The following ABHD2 variants were observed in gnomAD, a reference collection of about 807,000 sequenced individuals.
The protein encoded by ABHD2 is monoacylglycerol lipase ABHD2.
A neutral mutation model predicts 48.1 loss-of-function variants in ABHD2; 20 were observed. The observed-to-expected ratio is 0.42, with a 90% CI of 0.29 to 0.60. The LOEUF is 0.60. Ranked by LOEUF, ABHD2 falls within the 20% of genes least tolerant of loss-of-function variation. The pLI is 0.24. For missense variants in ABHD2, 405 were observed against 550.9 expected, an observed-to-expected ratio of 0.74 and a Z score of 2.65; for synonymous variants, 209 against 214.2, an observed-to-expected ratio of 0.98 and a Z score of 0.21.
At chr15:89,052,096 G>A in the ABHD2 span, among the ~76,000 whole-genome samples, 4 of 152,210 alleles carry the variant, frequency 2.6e-5, no homozygotes, top group South Asian at 8.3e-4. Flanking sequence ...TCTTAGGCCA[G>A]AGGATGGAAA....
chr15:89,144,568 C>T (rs898496348), intron 3 of ABHD2, among the ~76,000 whole-genome samples: 6 of 152,116 alleles, frequency 3.9e-5, no homozygotes, highest in Non-Finnish European at 4.4e-5. Flanking sequence ...AAACATTATG[C>T]TAAGTGAAAA....
chr15:89,120,333 GA>G lies in ABHD2; in HGVS notation c.194+3815del, dbSNP rs2050029350. Reference sequence around the variant, plus strand: ...TTCTCATGAAGTGTTTACTTTTAGTGAAACAAGCAGACGCCCAGTTCGGAAT... The same window carrying G: ...TTCTCATGAAGTGTTTACTTTTAGTGAACAAGCAGACGCCCAGTTCGGAAT... On this transcript the variant is annotated intron_variant, in intron 3 of 10. Coordinates refer to ENST00000352732, the MANE Select transcript of ABHD2 (RefSeq NM_152924.5). This position sits in a 1 kb window ranked among gnomAD's most constrained non-coding sequence, Gnocchi z 4.2. Among the ~76,000 whole-genome samples the G allele has an allele frequency of 6.6e-6, 1 of 152,058 alleles. No homozygotes were observed. The highest frequency in any genetic ancestry group is 2.1e-4 in the South Asian group (1 of 4,824).
chr15:89,052,607 T>G, the ABHD2 span, among the ~76,000 whole-genome samples: 2 of 151,156 alleles, frequency 1.3e-5, no homozygotes, highest in Non-Finnish European at 2.9e-5. Flanking sequence ...GAAAGCCATG[T>G]GAAGATGAGG....
At chr15:89,144,178 G>C (rs567404557) in intron 3 of ABHD2, among the ~76,000 whole-genome samples, 1 of 152,152 alleles carries the variant, frequency 6.6e-6, no homozygotes, top group Admixed American at 6.5e-5. Flanking sequence ...CTGTCGCCCA[G>C]GCTTTAGTGT....
chr15:89,161,861 A>G (rs2050767202), intron 5 of ABHD2, among the ~76,000 whole-genome samples: 1 of 152,212 alleles, frequency 6.6e-6, no homozygotes, highest in Admixed American at 6.5e-5. Context: ...ATACAAGAGC[A>G]ATTTATTTTC....
rs57813229 is a variant in ABHD2 at position 89,100,284 on chromosome 15, A to ATTT, written c.-107+11736_-107+11738dup. Among the ~76,000 whole-genome samples, 5,012 of 141,190 alleles carry ATTT rather than the reference A, an allele frequency of 0.035. 289 individuals carry two copies. The highest frequency in any genetic ancestry group is 0.12 in the African/African-American group (4,772 of 38,338). 92.6% of individuals were successfully genotyped at this position (141,190 alleles called of 152,430 possible). ...CTCCCAAGTTCACATTGTGTTGTTA[A>ATTT]TTTTTTTTTTTTTTTTTAAGAGACA... On this transcript the variant is annotated intron_variant, in intron 1 of 10. Coordinates refer to ENST00000352732, the MANE Select transcript of ABHD2 (RefSeq NM_152924.5). The surrounding 1 kb of genome is among the most constrained non-coding windows in gnomAD (Gnocchi z 4.4).
At chr15:89,171,451 T>C (rs1269464248) in intron 5 of ABHD2, among the ~76,000 whole-genome samples, 1 of 152,194 alleles carries the variant, frequency 6.6e-6, no homozygotes, top group Non-Finnish European at 1.5e-5. Flanking sequence ...ATAACCTCCG[T>C]GCAGCTTTTC....
intron 1 of ABHD2, among the ~76,000 whole-genome samples, chr15:89,103,168 G>A (rs1416662042): frequency 6.6e-6 from 1 of 152,172 alleles, no homozygotes; most frequent in African/African-American, 2.4e-5. Flanking sequence ...GTCAAGCTCA[G>A]GACTACTTGG....
At chr15:89,049,895 C>A in the ABHD2 span, among the ~76,000 whole-genome samples, 1 of 152,180 alleles carries the variant, frequency 6.6e-6, no homozygotes. Context: ...TGTTCCTATT[C>A]GGCCATCTTG....
upstream of ABHD2, among the ~76,000 whole-genome samples, chr15:89,083,201 AC>A (rs1901308498): frequency 6.6e-6 from 1 of 152,020 alleles, no homozygotes; most frequent in African/African-American, 2.4e-5. This position sits in a 1 kb window ranked among gnomAD's most constrained non-coding sequence, Gnocchi z 5.1. Context: ...TTATTTTTTT[AC>A]ACTGCATCTC....
chr15:89,201,311 G>T lies in ABHD2; in HGVS notation c.*5888G>T. On this transcript the variant is annotated 3_prime_UTR_variant, in exon 11 of 11. Coordinates refer to ENST00000352732, the MANE Select transcript of ABHD2 (RefSeq NM_152924.5). ...CTCTTCTGTTAGTTTCCTTGTTTCAGTATCATGAAGTGAAGCACTGTGTGG... is the reference window on the plus strand; with the variant it reads ...CTCTTCTGTTAGTTTCCTTGTTTCATTATCATGAAGTGAAGCACTGTGTGG... 9.2e-7 allele frequency: 1 copy of T among 1,081,502 alleles called. No homozygotes were observed. The allele number at this position is 1,081,502 out of a possible 1,614,324, so 67.0% of individuals were successfully genotyped here. A position where few individuals can be genotyped will look rare whatever the true frequency, so the allele number is the denominator to read the frequency against.
upstream of ABHD2, chr15:89,087,134 G>C (rs1348548161): frequency 6.6e-6 from 1 of 152,214 alleles, no homozygotes; most frequent in African/African-American, 2.4e-5. This position sits in a 1 kb window ranked among gnomAD's most constrained non-coding sequence, Gnocchi z 5.5. Context: ...ATGGGGAATG[G>C]GTTTCAGGGG....
chr15:89,069,199 C>A, the ABHD2 span, among the ~76,000 whole-genome samples: 14 of 149,636 alleles, frequency 9.4e-5, no homozygotes, highest in Non-Finnish European at 1.8e-4. Context: ...AATCATAGCT[C>A]ACTGCAGCCT....
the ABHD2 span, chr15:89,041,104 A>G: frequency 2.0e-5 from 3 of 152,344 alleles, no homozygotes; most frequent in Admixed American, 2.0e-4. Context: ...ATTGTGCTGC[A>G]GAAGTTTAAC....
the ABHD2 span, among the ~76,000 whole-genome samples, chr15:89,041,650 A>G: frequency 3.3e-5 from 5 of 152,232 alleles, 1 homozygote; most frequent in Admixed American, 2.6e-4. Context: ...CTAGGAGTCC[A>G]CTAAGAAGAA....
chr15:89,140,984 T>G (rs1355109856), intron 3 of ABHD2, among the ~76,000 whole-genome samples: 7 of 146,744 alleles, frequency 4.8e-5, no homozygotes, highest in African/African-American at 1.7e-4. Flanking sequence ...TTTTTTTTTT[T>G]GTTGGACAGA....
chr15:89,121,351 G>A (rs932250659), intron 3 of ABHD2, among the ~76,000 whole-genome samples: 2 of 152,086 alleles, frequency 1.3e-5, no homozygotes, highest in Non-Finnish European at 1.5e-5. Context: ...CCCTGGGAGA[G>A]GGTCCCTGAC....
At chr15:89,123,688 G>A (rs552246614) in intron 3 of ABHD2, among the ~76,000 whole-genome samples, 1 of 141,786 alleles carries the variant, frequency 7.1e-6, no homozygotes, top group South Asian at 2.2e-4. Context: ...GCCTCAACCT[G>A]CTGGGCTCAA....
At chr15:89,049,031 C>G in the ABHD2 span, among the ~76,000 whole-genome samples, 28 of 151,996 alleles carry the variant, frequency 1.8e-4, no homozygotes, top group African/African-American at 6.0e-4. Context: ...TACTTTTGGT[C>G]TTCGATGATG....
Sources: gnomAD v4.1 joint callset for allele counts (sites outside exome capture counted in the v4.1 genomes callset) on GRCh38, gnomAD v4.1.1 for gene constraint, Gnocchi (gnomAD v3.1) non-coding constraint, MANE v1.5 for transcripts, NCBI Gene and HGNC (gene_info 2026-07-23, HGNC 2026-07-21) for gene names.